BNIP3L: variants seen among roughly 807,000 people sequenced by gnomAD.
BNIP3L encodes the protein BCL2 interacting protein 3 like.
Under a neutral mutation model 25.5 loss-of-function variants are expected in BNIP3L, and 10 were observed. That is an observed-to-expected ratio of 0.39 (90% confidence interval 0.24 to 0.67). BNIP3L has a LOEUF of 0.67. Among genes scored for constraint, BNIP3L ranks in the 30% least tolerant of loss-of-function variants. The pLI, the probability that BNIP3L is intolerant of heterozygous loss-of-function variation, is 0.45. For missense variants in BNIP3L, 215 were observed against 270.9 expected (o/e 0.79, Z 1.45); for synonymous variants, 113 against 101.2 (o/e 1.12, Z -0.70).
At chr8:26,386,242 A>G (rs995572317) in intron 1 of BNIP3L, among the ~76,000 whole-genome samples, 2 of 152,188 alleles carry the variant, frequency 1.3e-5, no homozygotes, top group African/African-American at 4.8e-5. Flanking sequence ...CAAATACCCA[A>G]ACTCCTTCCA....
At position 26,383,399 on chromosome 8, in the gene BNIP3L, G is replaced by T. The variant is rs1026264391; in HGVS notation, c.100+169G>T. On this transcript the variant is annotated intron_variant, in intron 1 of 5. Transcript: ENST00000380629. ...TCCCCTGTCAAGAGGAGGGGCGCCT[G>T]CCTTGCTCCGGGCCTCTCTGTTGCC... 9 of 1,439,550 alleles carry T rather than the reference G, an allele frequency of 6.3e-6. No homozygotes were observed. The South Asian group carries it at 1.3e-4, about 21-fold the overall frequency. 89.2% of individuals were successfully genotyped at this position (1,439,550 alleles called of 1,614,324 possible).
At chr8:26,392,329 A>T (rs1806132647) in intron 2 of BNIP3L, among the ~76,000 whole-genome samples, 1 of 152,168 alleles carries the variant, frequency 6.6e-6, no homozygotes, top group South Asian at 2.1e-4. Context: ...ATGCACGGGA[A>T]GCAGATTAAG....
chr8:26,410,646 CT>C lies in BNIP3L; in HGVS notation c.*235del. On this transcript the variant is annotated 3_prime_UTR_variant, in exon 6 of 6. Transcript: ENST00000380629. ...TTTTAGAATTTCCTAACAGAGTTTA[CT>C]GTTGTTTAGAAATTTGCAAGGGCTT... is the stretch of plus-strand genomic sequence containing the variant. 1.9e-6 allele frequency: 1 copy of C among 526,086 alleles called. No homozygotes were observed. The highest frequency in any genetic ancestry group is 2.3e-5 in the South Asian group (1 of 43,790). 32.6% of individuals were successfully genotyped at this position (526,086 alleles called of 1,614,324 possible).
intron 3 of BNIP3L, among the ~76,000 whole-genome samples, chr8:26,401,179 A>G (rs1263188733): frequency 4.3e-5 from 6 of 139,512 alleles, no homozygotes; most frequent in Admixed American, 3.0e-4. Flanking sequence ...ATGTCCAACA[A>G]TGATAGACTG....
rs1806529449 is a variant in BNIP3L, at chr8:26,407,596, G to A, written c.358-404G>A. 5.9e-5 allele frequency among the ~76,000 whole-genome samples: 9 copies of A among 152,246 alleles called. No homozygotes were observed. The South Asian group carries it at 1.9e-3, about 32-fold the overall frequency. On this transcript the variant is annotated intron_variant, in intron 3 of 5. Coordinates refer to ENST00000380629, the MANE Select transcript of BNIP3L (RefSeq NM_004331.3). ...GCCTGCCTCAGCCTCCCAAAGTGCT[G>A]GGATTATAGGCATGAGCCACTGCAC...
intron 2 of BNIP3L, among the ~76,000 whole-genome samples, chr8:26,394,361 A>G (rs1051424440): frequency 1.6e-4 from 25 of 152,190 alleles, no homozygotes; most frequent in Admixed American, 1.2e-3. Flanking sequence ...TGAAATAAGT[A>G]AAATAGTGGT....
At chr8:26,383,677 G>T (rs979904733) in intron 1 of BNIP3L, among the ~76,000 whole-genome samples, 1 of 150,302 alleles carries the variant, frequency 6.7e-6, no homozygotes, top group African/African-American at 2.4e-5. Flanking sequence ...GGCTGCCGCG[G>T]GACGTGTCGG....
chr8:26,409,221 A>T (rs1286354803), intron 5 of BNIP3L, among the ~76,000 whole-genome samples: 1 of 152,178 alleles, frequency 6.6e-6, no homozygotes, highest in Non-Finnish European at 1.5e-5. Flanking sequence ...CACATCTTTT[A>T]AATAAATTGC....
rs919736202 is a variant in BNIP3L at position 26,411,012 on chromosome 8, G to A, written c.*600G>A. 6.6e-6 allele frequency: 1 copy of A among 152,012 alleles called. No homozygotes were observed. Among genetic ancestry groups the A allele is most frequent in the Non-Finnish European group, 1.5e-5 (1 of 68,230 alleles). 9.4% of individuals were successfully genotyped at this position (152,012 alleles called of 1,614,324 possible). On this transcript the variant is annotated 3_prime_UTR_variant, in exon 6 of 6. Coordinates refer to ENST00000380629, the MANE Select transcript of BNIP3L (RefSeq NM_004331.3). ...AAACCAGCTTTGGAGCCACTTTTTTGTCTAAGCCTCCTAATAGCGTCTTTT... is the reference window on the plus strand; with the variant it reads ...AAACCAGCTTTGGAGCCACTTTTTTATCTAAGCCTCCTAATAGCGTCTTTT...
chr8:26,386,148 A>T (rs1297292936), intron 1 of BNIP3L, among the ~76,000 whole-genome samples: 1 of 152,198 alleles, frequency 6.6e-6, no homozygotes, highest in African/African-American at 2.4e-5. Context: ...TTACTGAAGT[A>T]TTTGAATAGT....
At chr8:26,405,043 T>A (rs767983963) in intron 3 of BNIP3L, among the ~76,000 whole-genome samples, 5 of 152,230 alleles carry the variant, frequency 3.3e-5, no homozygotes, top group African/African-American at 4.8e-5. Context: ...GGGAAACTTA[T>A]GGAGTTCTTT....
At chr8:26,383,490 C>G (rs1328827085) in intron 1 of BNIP3L, 1 of 1,210,964 alleles carries the variant, frequency 8.3e-7, no homozygotes, top group Non-Finnish European at 1.0e-6. Context: ...TAGCGCGGAT[C>G]CCCCTGGTGC....
rs895881036 is a variant in BNIP3L, at chr8:26,411,899, G to C, written c.*1487G>C. ...AACTAGCAATCTATAAAGTGCACCA[G>C]GTCAACTTGAATAAAAACACTATGA... On this transcript the variant is annotated 3_prime_UTR_variant, in exon 6 of 6. Coordinates refer to ENST00000380629, the MANE Select transcript of BNIP3L (RefSeq NM_004331.3). 2 of 152,518 alleles carry C rather than the reference G, an allele frequency of 1.3e-5. No homozygotes were observed. Among genetic ancestry groups the C allele is most frequent in the African/African-American group, 4.8e-5 (2 of 41,420 alleles). The allele number at this position is 152,518 out of a possible 1,614,324, so 9.4% of individuals were successfully genotyped here. A position where few individuals can be genotyped will look rare whatever the true frequency, so the allele number is the denominator to read the frequency against.
At chr8:26,391,133 T>G in intron 1 of BNIP3L, 110 bp from the exon 2 acceptor site, 1 of 868,742 alleles carries the variant, frequency 1.2e-6, no homozygotes. Flanking sequence ...TACTTTTACA[T>G]TTGGTTTGAG....
At chr8:26,396,264 C>T (rs1806240984) in intron 3 of BNIP3L, among the ~76,000 whole-genome samples, 3 of 95,720 alleles carry the variant, frequency 3.1e-5, no homozygotes, top group African/African-American at 1.3e-4. Context: ...TCCCAGCACG[C>T]AGCTGGAGAT....
At chr8:26,402,499 A>G (rs1806408803) in intron 3 of BNIP3L, among the ~76,000 whole-genome samples, 1 of 152,222 alleles carries the variant, frequency 6.6e-6, no homozygotes, top group Non-Finnish European at 1.5e-5. Context: ...TTAGATTAGC[A>G]TTTTCCAAAA....
At chr8:26,383,474 C>T in intron 1 of BNIP3L, 1 of 1,209,004 alleles carries the variant, frequency 8.3e-7, no homozygotes, top group Non-Finnish European at 1.0e-6. Flanking sequence ...CCGGGAGCGG[C>T]GCGGGTAGCG....
chr8:26,406,126 G>T (rs1806495349), intron 3 of BNIP3L, among the ~76,000 whole-genome samples: 1 of 152,194 alleles, frequency 6.6e-6, no homozygotes, highest in Non-Finnish European at 1.5e-5. Flanking sequence ...ATTAAAAGGG[G>T]AGCTATTGGA....
At chr8:26,389,658 A>G (rs193041936) in intron 1 of BNIP3L, among the ~76,000 whole-genome samples, 8 of 152,326 alleles carry the variant, frequency 5.3e-5, no homozygotes, top group East Asian at 1.9e-4. Context: ...AGCATCTTCT[A>G]TTTACCAGCA....
Sources: allele counts gnomAD v4.1 joint callset (sites outside exome capture counted in the v4.1 genomes callset), GRCh38; gene constraint gnomAD v4.1.1; transcripts MANE v1.5; gene names NCBI Gene and HGNC (gene_info 2026-07-23, HGNC 2026-07-21).